Variants in PDGFRA observed in about 807,000 individuals in gnomAD.
PDGFRA encodes the protein platelet-derived growth factor receptor alpha.
Under a neutral mutation model 121.5 loss-of-function variants are expected in PDGFRA, and 25 were observed. That is an observed-to-expected ratio of 0.21 (90% CI 0.15 to 0.29). The LOEUF (loss-of-function observed/expected upper bound fraction) is 0.29, where lower values mean the gene tolerates loss of function less well. Among genes scored for constraint, PDGFRA ranks in the 10% least tolerant of loss-of-function variants. PDGFRA has a pLI of 1.00. For synonymous variants in PDGFRA, 463 were observed against 494.8 expected, an observed-to-expected ratio of 0.94 and a Z score of 0.85; for missense variants, 1,008 against 1,345.1, an observed-to-expected ratio of 0.75 and a Z score of 3.92.
Position 54,290,351 on chromosome 4 carries a change from C to A in PDGFRA, c.2919C>A (p.Asp973Glu), listed in dbSNP as rs1467854764. The A allele has an allele frequency of 6.2e-7, 1 of 1,611,408 alleles. No individual in the cohort carries two copies. Among genetic ancestry groups the A allele is most frequent in the Non-Finnish European group, 8.5e-7 (1 of 1,177,580 alleles). The change falls in exon 22 of 23, where the codon GAC becomes GAA. Residue 973 changes from aspartate to glutamate, a missense_variant. Asp to Glu is a conservative substitution (Grantham distance 45). Coordinates refer to ENST00000257290, the MANE Select transcript of PDGFRA (RefSeq NM_006206.6). ...EKIHLDFLKS[D>E]HPAVARMRVD... ...TTCACCTGGACTTCCTGAAGAGTGA[C>A]CATCCTGCTGTGGCACGCATGCGTG...
At chr4:54,285,315 A>G in intron 16 of PDGFRA, 56 bp from the exon 17 acceptor site, 1 of 799,984 alleles carries the variant, frequency 1.3e-6, no homozygotes, top group Non-Finnish European at 2.3e-6. Context: ...TGCCTCTGCA[A>G]CCTGATGATT....
intron 1 of PDGFRA, among the ~76,000 whole-genome samples, chr4:54,257,743 T>C (rs1013315092): frequency 6.6e-6 from 1 of 152,124 alleles, no homozygotes; most frequent in South Asian, 2.1e-4. Context: ...TAAAATAAAG[T>C]GAATGGGGAA....
At chr4:54,256,706 C>T (rs771363306) in intron 1 of PDGFRA, among the ~76,000 whole-genome samples, 38 of 151,502 alleles carry the variant, frequency 2.5e-4, no homozygotes, top group Admixed American at 1.4e-3. Flanking sequence ...TCACAAGATA[C>T]GGGTGATAAA....
At chr4:54,289,308 G>A (rs544930508) in intron 21 of PDGFRA, among the ~76,000 whole-genome samples, 194 bp downstream of exon 21, 1 of 152,248 alleles carries the variant, frequency 6.6e-6, no homozygotes, top group South Asian at 2.1e-4. Flanking sequence ...CTTCCCGTGG[G>A]GCTTTCCTTT....
chr4:54,280,754 A>AT (rs368963999), intron 16 of PDGFRA: 1 of 235,886 alleles, frequency 4.2e-6, no homozygotes, highest in African/African-American at 2.3e-5. Flanking sequence ...TGCAGTAAAC[A>AT]TTTTTTAAAA....
intron 13 of PDGFRA, 54 bp from the exon 14 acceptor site, chr4:54,277,842 G>C: frequency 8.4e-7 from 1 of 1,186,744 alleles, no homozygotes. Flanking sequence ...TTTTTTCTGA[G>C]AACAGGAAGT....
chr4:54,236,254 G>A (rs1036825077), intron 1 of PDGFRA, among the ~76,000 whole-genome samples: 3 of 152,202 alleles, frequency 2.0e-5, no homozygotes, highest in African/African-American at 4.8e-5. Context: ...CTCAGAATTT[G>A]TAGTTTCAGT....
chr4:54,240,254 T>A, intron 1 of PDGFRA: 1 of 178,120 alleles, frequency 5.6e-6, no homozygotes, highest in Non-Finnish European at 1.3e-5. Context: ...TGGCAACTGT[T>A]TAAGGCAAGA....
chr4:54,257,585 G>C (rs930295104), intron 1 of PDGFRA, among the ~76,000 whole-genome samples: 1 of 152,242 alleles, frequency 6.6e-6, no homozygotes, highest in East Asian at 1.9e-4. Flanking sequence ...AAAACTGGGG[G>C]CTCTGCCCAG....
chr4:54,247,767 A>T (rs1314651308), intron 1 of PDGFRA, among the ~76,000 whole-genome samples: 1 of 152,216 alleles, frequency 6.6e-6, no homozygotes, highest in African/African-American at 2.4e-5. Context: ...AGTTAGGAAA[A>T]GAGGAAGTCA....
intron 15 of PDGFRA, 145 bp from the exon 16 acceptor site, chr4:54,280,171 T>TCTA (rs1723989553): frequency 1.5e-6 from 1 of 652,478 alleles, no homozygotes; most frequent in African/African-American, 1.8e-5. Context: ...GATCACCTCA[T>TCTA]GTGAAAGGTA....
intron 1 of PDGFRA, among the ~76,000 whole-genome samples, chr4:54,245,520 T>A (rs1721593963): frequency 1.3e-5 from 2 of 152,172 alleles, no homozygotes; most frequent in Admixed American, 1.3e-4. Context: ...TGCTGAGAGA[T>A]TCTGTCACCA....
intron 1 of PDGFRA, among the ~76,000 whole-genome samples, chr4:54,246,264 A>G (rs1458968239): frequency 6.6e-6 from 1 of 152,180 alleles, no homozygotes; most frequent in East Asian, 1.9e-4. Context: ...CAGAATATAC[A>G]TGTTTTTCAG....
chr4:54,294,078 A>G (rs1037868907), intron 22 of PDGFRA, among the ~76,000 whole-genome samples: 3 of 151,972 alleles, frequency 2.0e-5, no homozygotes, highest in African/African-American at 4.8e-5. Flanking sequence ...TGGCTTTTCT[A>G]TTTTGTTTTA....
chr4:54,252,235 T>G (rs564975679), intron 1 of PDGFRA, among the ~76,000 whole-genome samples: 3 of 152,212 alleles, frequency 2.0e-5, no homozygotes, highest in Non-Finnish European at 4.4e-5. Flanking sequence ...CAGCTTGGTT[T>G]TAACAATTAC....
intron 1 of PDGFRA, among the ~76,000 whole-genome samples, chr4:54,240,657 C>T (rs1037589148): frequency 1.1e-4 from 17 of 152,128 alleles, no homozygotes; most frequent in African/African-American, 3.9e-4. Flanking sequence ...TTGGGCTCTC[C>T]CTATACTTAG....
chr4:54,242,104 G>T (rs1721333173), intron 1 of PDGFRA, among the ~76,000 whole-genome samples: 1 of 152,154 alleles, frequency 6.6e-6, no homozygotes, highest in African/African-American at 2.4e-5. Flanking sequence ...GTTTCAGGCT[G>T]TGGCTCAATA....
At chr4:54,292,925 G>T (rs528846506) in intron 22 of PDGFRA, among the ~76,000 whole-genome samples, 1 of 152,020 alleles carries the variant, frequency 6.6e-6, no homozygotes, top group South Asian at 2.1e-4. Context: ...AATACCTATC[G>T]GATACTGTGC....
chr4:54,230,886 C>A (rs1031922060), intron 1 of PDGFRA, among the ~76,000 whole-genome samples: 1 of 152,216 alleles, frequency 6.6e-6, no homozygotes, highest in Admixed American at 6.5e-5. Flanking sequence ...AGGGAGCGGG[C>A]GGCGTCCATT....
Sources: allele counts gnomAD v4.1 joint callset (sites outside exome capture counted in the v4.1 genomes callset), GRCh38; gene constraint gnomAD v4.1.1; transcripts MANE v1.5; gene names NCBI Gene and HGNC (gene_info 2026-07-23, HGNC 2026-07-21).